The following LDLRAD4 variants were observed in gnomAD, a reference collection of about 807,000 sequenced individuals.
LDLRAD4 encodes low density lipoprotein receptor class A domain containing 4.
Under a neutral mutation model 17.0 loss-of-function variants are expected in LDLRAD4, and 5 were observed. The ratio of observed to expected loss-of-function variants is 0.29; its 90% CI spans 0.15 to 0.62. The LOEUF is 0.62. Among genes scored for constraint, LDLRAD4 ranks in the 20% least tolerant of loss-of-function variants. The pLI is 0.84. For missense variants in LDLRAD4, 340 were observed against 424.7 expected, an observed-to-expected ratio of 0.80 and a Z score of 1.75; for synonymous variants, 168 against 171.8, an observed-to-expected ratio of 0.98 and a Z score of 0.17.
intron 3 of LDLRAD4, among the ~76,000 whole-genome samples, chr18:13,566,427 A>G (rs532469194): frequency 1.3e-5 from 2 of 150,840 alleles, no homozygotes; most frequent in East Asian, 3.9e-4. Flanking sequence ...CAGTGGCGCA[A>G]TCTTAGCTCA....
rs75378997 is a variant in LDLRAD4, at chr18:13,637,298, C to T, written c.337-6061C>T. ...TTTAATAGCGCAGATAGTCTTTATG[C>T]AGTGGCGGGCCATTGGTCTGTGTAG... On this transcript the variant is annotated intron_variant, in intron 4 of 5. Coordinates refer to ENST00000359446, the Ensembl canonical transcript of LDLRAD4. 6.2e-3 allele frequency among the ~76,000 whole-genome samples: 949 copies of T among 152,118 alleles called. 9 individuals carry two copies. Among genetic ancestry groups the T allele is most frequent in the African/African-American group, 0.022 (910 of 41,480 alleles).
chr18:13,586,275 G>A (rs533569998), intron 3 of LDLRAD4, among the ~76,000 whole-genome samples: 1,905 of 151,724 alleles, frequency 0.013, 45 homozygotes, highest in African/African-American at 0.043. Flanking sequence ...GGGCGTGGTG[G>A]CAGGCGTCTG....
intron 2 of LDLRAD4, among the ~76,000 whole-genome samples, chr18:13,397,930 T>C (rs2086835303): frequency 6.6e-6 from 1 of 152,176 alleles, no homozygotes; most frequent in Non-Finnish European, 1.5e-5. Flanking sequence ...GGAGTGAAGA[T>C]TAATTGTCTG....
In LDLRAD4 at chr18:13,642,222, C is replaced by G. The variant is rs966958143; in HGVS notation, c.337-1137C>G. 14 of 985,990 alleles carry G rather than the reference C, an allele frequency of 1.4e-5. No individual in the cohort carries two copies. In the Admixed American group the frequency reaches 1.8e-4, roughly 13 times the overall value. The allele number at this position is 985,990 out of a possible 1,614,324, so 61.1% of individuals were successfully genotyped here. On this transcript the variant is annotated intron_variant, in intron 4 of 5. Transcript: ENST00000359446. ...GGGCTCGGTGTTTCTTCCGCGCCGT[C>G]CCTCGCTGCTGGCGCCGGGGCCGTC...
At chr18:13,536,547 A>C (rs1332224672) in intron 3 of LDLRAD4, among the ~76,000 whole-genome samples, 1 of 151,298 alleles carries the variant, frequency 6.6e-6, no homozygotes, top group Non-Finnish European at 1.5e-5. Flanking sequence ...GCATAAAGTC[A>C]TATCTTTTGA....
chr18:13,580,407 G>T (rs2094839980), intron 3 of LDLRAD4, among the ~76,000 whole-genome samples: 1 of 152,246 alleles, frequency 6.6e-6, no homozygotes, highest in African/African-American at 2.4e-5. Flanking sequence ...CTCTGTGCCT[G>T]TCAGGTGGCA....
chr18:13,538,483 A>G lies in LDLRAD4; in HGVS notation c.182-82634A>G, dbSNP rs112143462. Among the ~76,000 whole-genome samples the G allele has an allele frequency of 1.3e-3, 204 of 151,756 alleles. 1 individual carries two copies. The highest frequency in any genetic ancestry group is 4.7e-3 in the African/African-American group (193 of 41,372). ...GAAAAAAATGCAGCTTTCCATTCAC[A>G]TATTTCTTGGATGTGAAGAGTCTCA... On this transcript the variant is annotated intron_variant, in intron 3 of 5. Coordinates refer to ENST00000359446, the Ensembl canonical transcript of LDLRAD4.
At chr18:13,605,993 G>C (rs944070548) in intron 3 of LDLRAD4, among the ~76,000 whole-genome samples, 1 of 152,158 alleles carries the variant, frequency 6.6e-6, no homozygotes, top group Non-Finnish European at 1.5e-5. Context: ...AGCTCCCAGG[G>C]GATGCTGCTG....
At chr18:13,545,106 G>A (rs2094342289) in intron 3 of LDLRAD4, among the ~76,000 whole-genome samples, 1 of 152,122 alleles carries the variant, frequency 6.6e-6, no homozygotes, top group South Asian at 2.1e-4. Flanking sequence ...AGCTGAGAGA[G>A]TGGGGTGGTG....
intron 1 of LDLRAD4, among the ~76,000 whole-genome samples, chr18:13,349,658 C>A (rs1032147558): frequency 2.6e-5 from 4 of 152,108 alleles, no homozygotes; most frequent in Non-Finnish European, 5.9e-5. Flanking sequence ...GATACAAGTG[C>A]AGAATGTGTA....
At chr18:13,618,632 A>C (rs1267193349) in intron 3 of LDLRAD4, among the ~76,000 whole-genome samples, 1 of 152,198 alleles carries the variant, frequency 6.6e-6, no homozygotes, top group Non-Finnish European at 1.5e-5. Context: ...CTCTATATCC[A>C]TGTCCATAAA....
At chr18:13,450,828 G>A (rs932703019) in intron 3 of LDLRAD4, among the ~76,000 whole-genome samples, 4 of 152,196 alleles carry the variant, frequency 2.6e-5, no homozygotes, top group African/African-American at 4.8e-5. Context: ...GGGGAGTGTC[G>A]TGGGGAGACG....
rs146377470 is a variant in LDLRAD4, at chr18:13,412,855, G to A, written c.40+25093G>A. On this transcript the variant is annotated intron_variant, in intron 2 of 5. Coordinates refer to ENST00000359446, the Ensembl canonical transcript of LDLRAD4. ...CCAATTTGTACATGATCTTATGGAC[G>A]ATCACTTTGCTCCCAGCAGCTTCTC... Among the ~76,000 whole-genome samples, 95 of 152,328 alleles carry A rather than the reference G, an allele frequency of 6.2e-4. 1 individual carries two copies. The highest frequency in any genetic ancestry group is 6.8e-3 in the Middle Eastern group (2 of 294).
At chr18:13,512,807 A>G (rs76169740) in intron 3 of LDLRAD4, among the ~76,000 whole-genome samples, 3,513 of 152,346 alleles carry the variant, frequency 0.023, 145 homozygotes, top group African/African-American at 0.08. Context: ...TTACTGGTCA[A>G]ATTCCAGTTG....
At chr18:13,564,925 A>C (rs1161638711) in intron 3 of LDLRAD4, 1 of 152,320 alleles carries the variant, frequency 6.6e-6, no homozygotes, top group Non-Finnish European at 1.5e-5. Context: ...AAAGAAAAAA[A>C]CAGACATTAA....
At chr18:13,380,894 G>A (rs1236146671) in intron 1 of LDLRAD4, among the ~76,000 whole-genome samples, 1 of 152,084 alleles carries the variant, frequency 6.6e-6, no homozygotes, top group Non-Finnish European at 1.5e-5. Context: ...TGTTACAAAA[G>A]CTACATGTTA....
Position 13,622,837 on chromosome 18 carries a change from G to T in LDLRAD4, c.336+1566G>T, listed in dbSNP as rs2040778271. 3.3e-5 allele frequency among the ~76,000 whole-genome samples: 5 copies of T among 152,204 alleles called. No homozygotes were observed. Among genetic ancestry groups the T allele is most frequent in the Non-Finnish European group, 5.9e-5 (4 of 68,036 alleles). ...ATTACGGGCTGTGAACGCCACCCCT[G>T]GACTTGGTGGAAACAAGCACAGCCT... On this transcript the variant is annotated intron_variant, in intron 4 of 5. Transcript: ENST00000359446. This position sits in a 1 kb window ranked among gnomAD's most constrained non-coding sequence, Gnocchi z 5.3.
At chr18:13,357,713 C>G (rs2083430837) in intron 1 of LDLRAD4, among the ~76,000 whole-genome samples, 1 of 152,080 alleles carries the variant, frequency 6.6e-6, no homozygotes. Flanking sequence ...GATGGGCATC[C>G]TGCAGTTCTG....
chr18:13,362,992 G>T (rs1335942102), intron 1 of LDLRAD4, among the ~76,000 whole-genome samples: 2 of 152,080 alleles, frequency 1.3e-5, no homozygotes, highest in East Asian at 1.9e-4. Context: ...TATCAGGTTA[G>T]TCATAAAAAT....
Sources: allele counts gnomAD v4.1 joint callset (sites outside exome capture counted in the v4.1 genomes callset), GRCh38; gene constraint gnomAD v4.1.1; non-coding constraint Gnocchi (gnomAD v3.1); transcripts MANE v1.5; gene names NCBI Gene and HGNC (gene_info 2026-07-23, HGNC 2026-07-21).